SLC24A3: variants seen among roughly 807,000 people sequenced by gnomAD.
The protein encoded by SLC24A3 is solute carrier family 24 member 3, also known as sodium/potassium/calcium exchanger 3.
SLC24A3 carries 28 observed loss-of-function variants against 75.8 expected under a neutral mutation model. That is an observed-to-expected ratio of 0.37 (90% CI 0.27 to 0.51). The LOEUF (loss-of-function observed/expected upper bound fraction) is 0.51, where lower values mean the gene tolerates loss of function less well. Ranked by LOEUF, SLC24A3 falls within the 20% of genes least tolerant of loss-of-function variation. SLC24A3 has a pLI of 0.94. For synonymous variants in SLC24A3, 372 were observed against 334.1 expected, an observed-to-expected ratio of 1.11 and a Z score of -1.24; for missense variants, 663 against 847.8, an observed-to-expected ratio of 0.78 and a Z score of 2.71.
At chr20:19,691,811 C>T (rs1600343251) in intron 12 of SLC24A3, among the ~76,000 whole-genome samples, 1 of 152,310 alleles carries the variant, frequency 6.6e-6, no homozygotes, top group Non-Finnish European at 1.5e-5. Flanking sequence ...TCATTTAATT[C>T]TCCCAGCAAC....
At chr20:19,342,195 A>G (rs756631505) in intron 2 of SLC24A3, among the ~76,000 whole-genome samples, 7 of 152,196 alleles carry the variant, frequency 4.6e-5, no homozygotes, top group Non-Finnish European at 1.0e-4. Flanking sequence ...GCAATGCCCT[A>G]TTCAGTGAGT....
Position 19,681,937 on chromosome 20 carries a change from G to A in SLC24A3, c.847G>A (p.Ala283Thr). ...CATGGTCAACGGATTGGCCAACAAT[G>A]CTGAAATTGATGACAGCAGCAACTG... ...GNMVNGLANN[A>T]EIDDSSNCDA... The change falls in exon 10 of 17, where the codon GCT (alanine) becomes ACT (threonine). Residue 283 changes from alanine to threonine, a missense_variant. Transcript: ENST00000328041. The A allele has an allele frequency of 2.5e-6, 4 of 1,614,226 alleles. No individual in the cohort carries two copies. The highest frequency in any genetic ancestry group is 3.4e-6 in the Non-Finnish European group (4 of 1,180,032).
Position 19,515,541 on chromosome 20 carries a change from G to A in SLC24A3, c.325G>A (p.Ala109Thr). 6.2e-7 allele frequency: 1 copy of A among 1,614,152 alleles called. No individual in the cohort carries two copies. The highest frequency in any genetic ancestry group is 2.2e-5 in the East Asian group (1 of 44,884). Reference sequence around the variant, plus strand: ...CACAAACGAGGATAGAAGACAAGGTGCGGTGGTCCTCCATGTGCTCTGTGT... The same window carrying A: ...CACAAACGAGGATAGAAGACAAGGTACGGTGGTCCTCCATGTGCTCTGTGT... ...IFTNEDRRQG[A>T]VVLHVLCAIY... The change falls in exon 3 of 17, where the codon GCG (alanine) becomes ACG (threonine). Residue 109 changes from alanine to threonine, a missense_variant. Ala to Thr is a moderately conservative substitution (Grantham distance 58). Around this residue, in one of 2 missense-constraint regions of SLC24A3, gnomAD observed 510 missense variants for 703.6 expected, o/e 0.72. Coordinates refer to ENST00000328041, the MANE Select transcript of SLC24A3 (RefSeq NM_020689.4).
intron 2 of SLC24A3, among the ~76,000 whole-genome samples, chr20:19,293,199 T>G (rs1357051538): frequency 1.3e-5 from 2 of 152,086 alleles, no homozygotes; most frequent in Non-Finnish European, 2.9e-5. Flanking sequence ...CCACAAATAC[T>G]AGGCCAATTT....
chr20:19,487,091 T>C (rs1010312671), intron 2 of SLC24A3, among the ~76,000 whole-genome samples: 1 of 152,246 alleles, frequency 6.6e-6, no homozygotes, highest in East Asian at 1.9e-4. Flanking sequence ...AATTACTTTA[T>C]AAGAGTTTGG....
chr20:19,530,967 C>T (rs977820714), intron 3 of SLC24A3, among the ~76,000 whole-genome samples: 1 of 152,108 alleles, frequency 6.6e-6, no homozygotes. Flanking sequence ...AGGAATAGGA[C>T]TCTATCATAA....
At chr20:19,555,201 A>G (rs1050794438) in intron 3 of SLC24A3, among the ~76,000 whole-genome samples, 14 of 152,140 alleles carry the variant, frequency 9.2e-5, no homozygotes, top group African/African-American at 3.4e-4. Flanking sequence ...CACAAAGAGA[A>G]GAACTTATGT....
intron 6 of SLC24A3, among the ~76,000 whole-genome samples, chr20:19,595,575 G>A (rs1481480245): frequency 6.6e-6 from 1 of 152,156 alleles, no homozygotes; most frequent in Non-Finnish European, 1.5e-5. Flanking sequence ...TAGCATTTGA[G>A]ACACAGTCAT....
chr20:19,224,392 TTTC>T (rs1397722935), intron 1 of SLC24A3, among the ~76,000 whole-genome samples: 5 of 152,136 alleles, frequency 3.3e-5, no homozygotes, highest in African/African-American at 1.2e-4. Context: ...ACACAAAGGA[TTTC>T]TTGCAATTTG....
chr20:19,497,308 G>A (rs188289775), intron 2 of SLC24A3, among the ~76,000 whole-genome samples: 44 of 152,254 alleles, frequency 2.9e-4, no homozygotes, highest in African/African-American at 9.9e-4. Flanking sequence ...GGCTAGGACC[G>A]TTTCATCTGA....
At chr20:19,344,062 A>G (rs1045405171) in intron 2 of SLC24A3, among the ~76,000 whole-genome samples, 3 of 152,194 alleles carry the variant, frequency 2.0e-5, no homozygotes, top group Non-Finnish European at 1.5e-5. Context: ...TCTTCTGAAC[A>G]TTGGTTTCTG....
chr20:19,715,405 A>C (rs1188016760), intron 15 of SLC24A3, among the ~76,000 whole-genome samples: 1 of 152,164 alleles, frequency 6.6e-6, no homozygotes, highest in Non-Finnish European at 1.5e-5. Context: ...TGAATTAACC[A>C]GGTTAAGCCA....
Position 19,212,647 on chromosome 20 carries a change from C to A in SLC24A3, c.-196C>A. The A allele has an allele frequency of 4.9e-6, 1 of 203,966 alleles. No homozygotes were observed. Among genetic ancestry groups the A allele is most frequent in the Non-Finnish European group, 8.5e-6 (1 of 117,396 alleles). The allele number at this position is 203,966 out of a possible 1,614,324, so 12.6% of individuals were successfully genotyped here. On this transcript the variant is annotated 5_prime_UTR_variant, in exon 1 of 17. Coordinates refer to ENST00000328041, the MANE Select transcript of SLC24A3 (RefSeq NM_020689.4). ...GAGGGGAGGAGGGACTGGGCGATAG[C>A]GACGAGGAGGGCGACGACGAGGAGA...
At chr20:19,712,261 T>C (rs1443376495) in intron 15 of SLC24A3, among the ~76,000 whole-genome samples, 1 of 152,002 alleles carries the variant, frequency 6.6e-6, no homozygotes, top group Non-Finnish European at 1.5e-5. Context: ...CAGATGCTCA[T>C]TTAAACATAC....
At chr20:19,318,927 G>A (rs1984644122) in intron 2 of SLC24A3, among the ~76,000 whole-genome samples, 2 of 152,190 alleles carry the variant, frequency 1.3e-5, no homozygotes. Flanking sequence ...TTTTGAGATA[G>A]CATCTTTACT....
chr20:19,214,394 C>T (rs555320279), intron 1 of SLC24A3, among the ~76,000 whole-genome samples: 2 of 152,290 alleles, frequency 1.3e-5, no homozygotes, highest in South Asian at 4.1e-4. Flanking sequence ...TACTGACAGT[C>T]TCACTAAGGG....
chr20:19,594,064 G>A (rs891153551), intron 6 of SLC24A3, among the ~76,000 whole-genome samples: 1 of 152,180 alleles, frequency 6.6e-6, no homozygotes. Flanking sequence ...GAGGGGAGGC[G>A]AAGGATTCCC....
At chr20:19,424,739 CA>C (rs1986972642) in intron 2 of SLC24A3, among the ~76,000 whole-genome samples, 1 of 5,228 alleles carries the variant, frequency 1.9e-4, no homozygotes, top group Non-Finnish European at 4.5e-4. Context: ...AAAAAAAAAA[CA>C]ACAACAAAAA....
chr20:19,687,343 T>A (rs778445674), intron 12 of SLC24A3, among the ~76,000 whole-genome samples: 2 of 152,182 alleles, frequency 1.3e-5, no homozygotes, highest in Non-Finnish European at 2.9e-5. Context: ...CCTTTTGCTT[T>A]TGAGGACTCT....
Sources: allele counts gnomAD v4.1 joint callset (sites outside exome capture counted in the v4.1 genomes callset), GRCh38; gene constraint gnomAD v4.1.1; regional missense constraint gnomAD v4.1.1; transcripts MANE v1.5; gene names NCBI Gene and HGNC (gene_info 2026-07-23, HGNC 2026-07-21).